FOCAD: variants seen among roughly 807,000 people sequenced by gnomAD.
The protein encoded by FOCAD is KIAA1797.
FOCAD carries 198 observed loss-of-function variants against 225.6 expected under a neutral mutation model. The observed-to-expected ratio is 0.88, with a 90% CI of 0.78 to 0.99. FOCAD has a LOEUF of 0.99. Ranked by LOEUF, FOCAD falls within the 50% of genes least tolerant of loss-of-function variation. The pLI is 0.00. For missense variants in FOCAD, 2,713 were observed against 2,123.6 expected, an observed-to-expected ratio of 1.28 and a Z score of -5.46; for synonymous variants, 897 against 755.0, an observed-to-expected ratio of 1.19 and a Z score of -3.08.
chr9:20,859,140 C>T (rs909281914), intron 15 of FOCAD, among the ~76,000 whole-genome samples: 13 of 151,958 alleles, frequency 8.6e-5, no homozygotes, highest in Admixed American at 3.9e-4. Context: ...TTCGGGAGGC[C>T]GACGTGGGTG....
Position 20,715,309 on chromosome 9 carries a change from G to T in FOCAD, c.-32-13G>T. The T allele has an allele frequency of 7.4e-7, 1 of 1,344,568 alleles. No individual in the cohort carries two copies. Among genetic ancestry groups the T allele is most frequent in the South Asian group, 1.8e-5 (1 of 56,418 alleles). 83.3% of individuals were successfully genotyped at this position (1,344,568 alleles called of 1,614,324 possible). A position where few individuals can be genotyped will look rare whatever the true frequency, so the allele number is the denominator to read the frequency against. ...TTGGAAGACTAACAAATATTCTTTT[G>T]TTTTGGTTACAGAAGCTGCACACAT... On this transcript the variant is annotated splice_polypyrimidine_tract_variant and intron_variant, in intron 1 of 43. Coordinates refer to ENST00000338382, the MANE Select transcript of FOCAD (RefSeq NM_001375567.1).
intron 25 of FOCAD, among the ~76,000 whole-genome samples, 193 bp from the exon 26 acceptor site, chr9:20,926,108 C>A (rs1441707492): frequency 6.6e-6 from 1 of 151,694 alleles, no homozygotes; most frequent in Admixed American, 6.6e-5. Flanking sequence ...TCTTTTGGGG[C>A]ACAGGTGAGG....
chr9:20,791,178 CACT>C (rs1197251028), intron 11 of FOCAD, among the ~76,000 whole-genome samples: 1 of 151,608 alleles, frequency 6.6e-6, no homozygotes, highest in African/African-American at 2.4e-5. Flanking sequence ...CTGTCTACAC[CACT>C]GACAGAAAAC....
At chr9:20,740,885 T>G (rs1408946285) in intron 5 of FOCAD, among the ~76,000 whole-genome samples, 1 of 152,124 alleles carries the variant, frequency 6.6e-6, no homozygotes, top group Admixed American at 6.5e-5. Context: ...TGCATTGGAT[T>G]TTCTGGGGGA....
intron 7 of FOCAD, among the ~76,000 whole-genome samples, chr9:20,768,830 A>G (rs1587089614): frequency 6.6e-6 from 1 of 151,996 alleles, no homozygotes; most frequent in African/African-American, 2.4e-5. Flanking sequence ...CACCTCACAT[A>G]TTACCTATTA....
intron 35 of FOCAD, among the ~76,000 whole-genome samples, chr9:20,973,235 T>G (rs534753619): frequency 1.3e-5 from 2 of 151,992 alleles, no homozygotes; most frequent in African/African-American, 2.4e-5. Flanking sequence ...CATCTGCTGA[T>G]GTGGCCTCTG....
chr9:20,665,353 A>C (rs1342753737), intron 2 of FOCAD, among the ~76,000 whole-genome samples: 1 of 152,156 alleles, frequency 6.6e-6, no homozygotes, highest in Admixed American at 6.5e-5. Flanking sequence ...TAAATACTAC[A>C]TTTACACTGC....
intron 6 of FOCAD, among the ~76,000 whole-genome samples, chr9:20,760,452 C>T (rs574139099): frequency 9.2e-5 from 14 of 152,332 alleles, no homozygotes; most frequent in Non-Finnish European, 1.2e-4. Context: ...ATCTTCATCT[C>T]GCAGTTTATG....
At chr9:20,660,298 A>G (rs977654858) in intron 2 of FOCAD, among the ~76,000 whole-genome samples, 10 of 152,300 alleles carry the variant, frequency 6.6e-5, no homozygotes, top group African/African-American at 1.7e-4. Flanking sequence ...ACAATGACCT[A>G]TGGTGTAGAA....
chr9:20,692,357 A>T (rs1485350921), intron 1 of FOCAD, among the ~76,000 whole-genome samples: 1 of 152,100 alleles, frequency 6.6e-6, no homozygotes, highest in Non-Finnish European at 1.5e-5. Context: ...TGTTGGCTAT[A>T]CCTTCACAAT....
At chr9:20,938,380 C>T (rs1209154619) in intron 28 of FOCAD, among the ~76,000 whole-genome samples, 3 of 152,090 alleles carry the variant, frequency 2.0e-5, no homozygotes, top group Non-Finnish European at 2.9e-5. Context: ...CACATATACA[C>T]CATGGAATAC....
At chr9:20,957,829 T>G (rs1192347146) in intron 35 of FOCAD, among the ~76,000 whole-genome samples, 1 of 151,784 alleles carries the variant, frequency 6.6e-6, no homozygotes, top group Non-Finnish European at 1.5e-5. Flanking sequence ...TGAACATCGT[T>G]ATGCATATAG....
Position 20,801,097 on chromosome 9 carries a change from G to T in FOCAD, c.1455+11489G>T, listed in dbSNP as rs139966711. On this transcript the variant is annotated intron_variant, in intron 11 of 43. Coordinates refer to ENST00000338382, the MANE Select transcript of FOCAD (RefSeq NM_001375567.1). The stretch of plus-strand genomic sequence containing the variant: ...TACCCTCAACTTCAGGTGCGTTGGA[G>T]TTTGCCGGAGGTCCACTCCAGACCC... Among the ~76,000 whole-genome samples the T allele has an allele frequency of 3.6e-3, 545 of 152,220 alleles. 5 individuals are homozygous for T. Among genetic ancestry groups the T allele is most frequent in the African/African-American group, 0.013 (528 of 41,552 alleles).
chr9:20,905,674 C>T (rs1832893136), intron 21 of FOCAD, among the ~76,000 whole-genome samples: 1 of 151,924 alleles, frequency 6.6e-6, no homozygotes, highest in African/African-American at 2.4e-5. Context: ...AAATTGCCCA[C>T]ATTTTGGAAA....
In FOCAD at chr9:20,916,116, A is replaced by G. The variant is rs986456985; in HGVS notation, c.2808-777A>G. Reference sequence around the variant, plus strand: ...CAAATGCAAATATTTATGAATGTCAATATAATTTATATTTAAATGCAACAA... The same window carrying G: ...CAAATGCAAATATTTATGAATGTCAGTATAATTTATATTTAAATGCAACAA... On this transcript the variant is annotated intron_variant, in intron 23 of 43. Coordinates refer to ENST00000338382, the MANE Select transcript of FOCAD (RefSeq NM_001375567.1). Among the ~76,000 whole-genome samples the G allele has an allele frequency of 1.4e-4, 21 of 152,310 alleles. No individual in the cohort carries two copies. In the Middle Eastern group the frequency reaches 0.014, roughly 99 times the overall value.
intron 5 of FOCAD, among the ~76,000 whole-genome samples, chr9:20,740,833 T>G (rs777650111): frequency 2.0e-5 from 3 of 152,152 alleles, no homozygotes; most frequent in Non-Finnish European, 2.9e-5. Flanking sequence ...GGTAGAATTG[T>G]TTTAAAAAAA....
At chr9:20,834,429 AC>A (rs763995022) in intron 15 of FOCAD, among the ~76,000 whole-genome samples, 16 of 152,080 alleles carry the variant, frequency 1.1e-4, no homozygotes, top group Non-Finnish European at 2.4e-4. Context: ...TACATCCTAC[AC>A]ATGTACCTTG....
At chr9:20,703,978 C>A (rs1003519971) in intron 1 of FOCAD, among the ~76,000 whole-genome samples, 1 of 152,230 alleles carries the variant, frequency 6.6e-6, no homozygotes, top group Non-Finnish European at 1.5e-5. Flanking sequence ...CAAAGCACCT[C>A]AGAGCTTTGC....
At chr9:20,835,158 T>C (rs1825875356) in intron 15 of FOCAD, among the ~76,000 whole-genome samples, 1 of 152,096 alleles carries the variant, frequency 6.6e-6, no homozygotes, top group Non-Finnish European at 1.5e-5. Flanking sequence ...CTTTTTACAG[T>C]ATGTTATTCT....
Sources: gnomAD v4.1 joint callset for allele counts (sites outside exome capture counted in the v4.1 genomes callset) on GRCh38, gnomAD v4.1.1 for gene constraint, MANE v1.5 for transcripts, NCBI Gene and HGNC (gene_info 2026-07-23, HGNC 2026-07-21) for gene names.